The following RFTN2 variants were observed in gnomAD, a reference collection of about 807,000 sequenced individuals.
RFTN2 encodes raftlin-2.
A neutral mutation model predicts 52.7 loss-of-function variants in RFTN2; 34 were observed. That is an observed-to-expected ratio of 0.64 (90% CI 0.49 to 0.86). The LOEUF is 0.86. Among genes scored for constraint, RFTN2 ranks in the 40% least tolerant of loss-of-function variants. RFTN2 has a pLI of 0.00. For synonymous variants in RFTN2, 203 were observed against 217.7 expected, an observed-to-expected ratio of 0.93 and a Z score of 0.59; for missense variants, 536 against 600.1, an observed-to-expected ratio of 0.89 and a Z score of 1.12.
At chr2:197,618,084 C>T in intron 5 of RFTN2, 163 bp from the exon 6 acceptor site, 1 of 356,656 alleles carries the variant, frequency 2.8e-6, no homozygotes, top group South Asian at 3.1e-5. Context: ...CCCTCTCCCT[C>T]TCCCCACGGT....
chr2:197,650,798 A>G (rs778706122), intron 1 of RFTN2, among the ~76,000 whole-genome samples: 1 of 152,208 alleles, frequency 6.6e-6, no homozygotes, highest in Non-Finnish European at 1.5e-5. Flanking sequence ...ATTATTTTAA[A>G]TACATGCCCA....
At chr2:197,637,700 C>T (rs1410327288) in intron 3 of RFTN2, among the ~76,000 whole-genome samples, 5 of 148,424 alleles carry the variant, frequency 3.4e-5, no homozygotes, top group Non-Finnish European at 1.5e-5. Flanking sequence ...CTCCTGGATT[C>T]ATTAATTTTT....
intron 1 of RFTN2, 21 bp downstream of exon 1, chr2:197,675,299 C>CA (rs2089200637): frequency 6.4e-7 from 1 of 1,552,824 alleles, no homozygotes. Flanking sequence ...ATTTAACAAA[C>CA]AAAATAGAAG....
intron 8 of RFTN2, among the ~76,000 whole-genome samples, chr2:197,582,797 G>A (rs1574678769): frequency 6.6e-6 from 1 of 152,198 alleles, no homozygotes; most frequent in African/African-American, 2.4e-5. Flanking sequence ...AAAGGAAGCT[G>A]GAGTCATTCA....
In RFTN2 at chr2:197,609,835, T is replaced by C. The variant is rs932292267; in HGVS notation, c.1154+6041A>G. The stretch of plus-strand genomic sequence containing the variant: ...GGATCCAGTTTCAGCTTTCTGCATA[T>C]GGCTAGCCAGTTTTCCCAGCACCAT... On this transcript the variant is annotated intron_variant, in intron 7 of 8. Coordinates refer to ENST00000295049, the MANE Select transcript of RFTN2 (RefSeq NM_144629.3). Among the ~76,000 whole-genome samples, 6 of 152,230 alleles carry C rather than the reference T, an allele frequency of 3.9e-5. No homozygotes were observed. The East Asian group carries it at 5.8e-4, about 15-fold the overall frequency.
intron 1 of RFTN2, among the ~76,000 whole-genome samples, chr2:197,667,808 T>C (rs1173578050): frequency 6.6e-6 from 1 of 152,182 alleles, no homozygotes; most frequent in Admixed American, 6.5e-5. Flanking sequence ...GGCCAGTCTT[T>C]GGGCCCCAGT....
chr2:197,614,176 C>T (rs2088105781), intron 7 of RFTN2, among the ~76,000 whole-genome samples: 1 of 152,200 alleles, frequency 6.6e-6, no homozygotes. Context: ...GCTTAACCAG[C>T]TCACAAGATC....
At chr2:197,659,477 T>TA (rs55804577) in intron 1 of RFTN2, among the ~76,000 whole-genome samples, 1,110 of 94,666 alleles carry the variant, frequency 0.012, 9 homozygotes, top group African/African-American at 0.023. Context: ...CTCCATCTCA[T>TA]AAAAAAAAAA....
chr2:197,603,150 C>T (rs948071975), intron 7 of RFTN2, among the ~76,000 whole-genome samples: 1 of 152,164 alleles, frequency 6.6e-6, no homozygotes, highest in Non-Finnish European at 1.5e-5. Context: ...GTGCAGCACA[C>T]TAACATGGCA....
chr2:197,594,558 C>T (rs2087766817), intron 8 of RFTN2, among the ~76,000 whole-genome samples: 1 of 152,162 alleles, frequency 6.6e-6, no homozygotes. Context: ...TCTCAAACTC[C>T]TGGGTTCAAG....
At chr2:197,616,242 C>T (rs2088138630) in intron 6 of RFTN2, among the ~76,000 whole-genome samples, 1 of 75,892 alleles carries the variant, frequency 1.3e-5, no homozygotes, top group Admixed American at 1.3e-4. Flanking sequence ...AAATTTAATA[C>T]ATGGGGTTGG....
At chr2:197,626,569 A>ATAAATAAT (rs1452194772) in intron 5 of RFTN2, among the ~76,000 whole-genome samples, 1 of 149,508 alleles carries the variant, frequency 6.7e-6, no homozygotes, top group East Asian at 2.0e-4. Context: ...CTACAAATAA[A>ATAAATAAT]TAAATAAATA....
At chr2:197,663,783 T>A (rs116214765) in intron 1 of RFTN2, among the ~76,000 whole-genome samples, 1,563 of 152,252 alleles carry the variant, frequency 0.01, 22 homozygotes, top group African/African-American at 0.035. Context: ...TCCTTTGTAT[T>A]GTTTTTGTCT....
At chr2:197,587,261 G>A (rs891889503) in intron 8 of RFTN2, among the ~76,000 whole-genome samples, 12 of 151,736 alleles carry the variant, frequency 7.9e-5, no homozygotes, top group African/African-American at 1.5e-4. Context: ...GAGAAACATC[G>A]CCCATTATCT....
chr2:197,674,359 A>G (rs908524838), intron 1 of RFTN2, among the ~76,000 whole-genome samples: 1 of 150,012 alleles, frequency 6.7e-6, no homozygotes, highest in African/African-American at 2.4e-5. Context: ...AAAAAAAAAA[A>G]AAAAGAAAAG....
intron 1 of RFTN2, among the ~76,000 whole-genome samples, chr2:197,649,859 A>G (rs1388870580): frequency 2.6e-5 from 4 of 152,216 alleles, no homozygotes; most frequent in African/African-American, 7.2e-5. Context: ...TTGCTACTAC[A>G]TATAGATTAT....
chr2:197,573,424 TGA>T (rs2087351988), intron 8 of RFTN2, among the ~76,000 whole-genome samples: 1 of 152,120 alleles, frequency 6.6e-6, no homozygotes, highest in Non-Finnish European at 1.5e-5. Context: ...ACTTTGAACT[TGA>T]GAGAGATGAT....
At chr2:197,633,460 C>T (rs1003667576) in intron 4 of RFTN2, among the ~76,000 whole-genome samples, 2 of 152,080 alleles carry the variant, frequency 1.3e-5, no homozygotes, top group Non-Finnish European at 2.9e-5. Flanking sequence ...TTTTGGATGA[C>T]TAAATAGAAA....
Position 197,675,385 on chromosome 2 carries a change from C to T in RFTN2, c.74G>A (p.Arg25Lys), listed in dbSNP as rs1373069278. The change falls in exon 1 of 9, where the codon AGA becomes AAA. Residue 25 changes from arginine (R) to lysine (K), a missense_variant. Physicochemically the swap from Arg to Lys is conservative, Grantham distance 26. Coordinates refer to ENST00000295049, the MANE Select transcript of RFTN2 (RefSeq NM_144629.3). ...TTCTGTCTTTGTTTCCACTTGCGGT[C>T]TCTTCAGGGTAGAAAATATTTTTCC... is the stretch of plus-strand genomic sequence containing the variant. ...SPGKIFSTLKRPQVETKTEFA... is the reference protein window; with the variant it reads ...SPGKIFSTLKKPQVETKTEFA... The T allele has an allele frequency of 6.2e-7, 1 of 1,605,922 alleles. No homozygotes were observed.
Sources: gnomAD v4.1 joint callset for allele counts (sites outside exome capture counted in the v4.1 genomes callset) on GRCh38, gnomAD v4.1.1 for gene constraint, MANE v1.5 for transcripts, NCBI Gene and HGNC (gene_info 2026-07-23, HGNC 2026-07-21) for gene names.